KCNH8: variants seen among roughly 807,000 people sequenced by gnomAD.
The protein encoded by KCNH8 is potassium voltage-gated channel subfamily H member 8.
Under a neutral mutation model 103.6 loss-of-function variants are expected in KCNH8, and 70 were observed. The ratio of observed to expected loss-of-function variants is 0.68; its 90% CI spans 0.56 to 0.82. The LOEUF is 0.82. Among genes scored for constraint, KCNH8 ranks in the 40% least tolerant of loss-of-function variants. KCNH8 has a pLI of 0.00. For missense variants in KCNH8, 1,217 were observed against 1,329.9 expected, an observed-to-expected ratio of 0.92 and a Z score of 1.32; for synonymous variants, 498 against 489.4, an observed-to-expected ratio of 1.02 and a Z score of -0.23.
intron 1 of KCNH8, among the ~76,000 whole-genome samples, chr3:19,233,360 A>T (rs1003729157): frequency 6.6e-6 from 1 of 152,160 alleles, no homozygotes. Context: ...GTGTTTTTAT[A>T]GGTTATAATG....
intron 3 of KCNH8, among the ~76,000 whole-genome samples, chr3:19,333,447 T>C (rs2065538914): frequency 6.6e-6 from 1 of 152,178 alleles, no homozygotes; most frequent in South Asian, 2.1e-4. Context: ...CAAATGTAGT[T>C]GGATTTATTA....
chr3:19,223,321 GTCTATT>G (rs2063895976), intron 1 of KCNH8, among the ~76,000 whole-genome samples: 1 of 152,160 alleles, frequency 6.6e-6, no homozygotes, highest in Non-Finnish European at 1.5e-5. Flanking sequence ...TATGAAGTAA[GTCTATT>G]GCAGACTGAC....
At chr3:19,508,387 A>G (rs773944773) in intron 11 of KCNH8, among the ~76,000 whole-genome samples, 1 of 152,188 alleles carries the variant, frequency 6.6e-6, no homozygotes, top group Non-Finnish European at 1.5e-5. Flanking sequence ...TTTAACCTTA[A>G]TAACAGCCAA....
intron 5 of KCNH8, among the ~76,000 whole-genome samples, chr3:19,387,193 C>T (rs1317675147): frequency 6.6e-6 from 1 of 152,016 alleles, no homozygotes. Context: ...ATTCTGTGAC[C>T]CTAATTTAAT....
chr3:19,278,967 G>C (rs2064717120), intron 2 of KCNH8, among the ~76,000 whole-genome samples: 1 of 152,116 alleles, frequency 6.6e-6, no homozygotes, highest in South Asian at 2.1e-4. Flanking sequence ...AATGATACTT[G>C]TCTGAGTACA....
chr3:19,297,035 G>A lies in KCNH8; in HGVS notation c.442+15706G>A, dbSNP rs942756041. Among the ~76,000 whole-genome samples the A allele has an allele frequency of 2.6e-5, 4 of 152,008 alleles. No homozygotes were observed. The East Asian group carries it at 7.7e-4, about 29-fold the overall frequency. Reference sequence around the variant, plus strand: ...GTGGAAAAACATACATATCCAGATGGAATATGAAAGCAAACACATTAGAGT... The same window carrying A: ...GTGGAAAAACATACATATCCAGATGAAATATGAAAGCAAACACATTAGAGT... On this transcript the variant is annotated intron_variant, in intron 3 of 15. Transcript: ENST00000328405.
intron 15 of KCNH8, among the ~76,000 whole-genome samples, chr3:19,521,469 A>G (rs2068969459): frequency 6.6e-6 from 1 of 151,932 alleles, no homozygotes; most frequent in Admixed American, 6.6e-5. Flanking sequence ...AGTGGTCAAT[A>G]AATGTTGATT....
intron 3 of KCNH8, among the ~76,000 whole-genome samples, chr3:19,302,848 G>T (rs894250946): frequency 6.6e-6 from 1 of 152,134 alleles, no homozygotes; most frequent in Non-Finnish European, 1.5e-5. Context: ...TTTAATTAAA[G>T]AATAGCTTTT....
At chr3:19,449,203 G>C (rs1195804436) in intron 8 of KCNH8, among the ~76,000 whole-genome samples, 4 of 151,552 alleles carry the variant, frequency 2.6e-5, no homozygotes, top group Admixed American at 6.6e-5. Flanking sequence ...TTTGATGGTA[G>C]GTTTGGGACA....
At chr3:19,213,255 CTTTTT>C (rs1288366028) in intron 1 of KCNH8, among the ~76,000 whole-genome samples, 1 of 152,110 alleles carries the variant, frequency 6.6e-6, no homozygotes, top group Admixed American at 6.5e-5. Flanking sequence ...GCAATCCTAT[CTTTTT>C]TAATAGGAGT....
At chr3:19,477,203 G>A (rs942213538) in intron 11 of KCNH8, among the ~76,000 whole-genome samples, 6 of 151,952 alleles carry the variant, frequency 3.9e-5, no homozygotes, top group Non-Finnish European at 5.9e-5. Flanking sequence ...CAAGTGGGAC[G>A]GACCCATGCA....
intron 2 of KCNH8, among the ~76,000 whole-genome samples, chr3:19,264,621 C>T (rs892192779): frequency 1.3e-5 from 2 of 152,088 alleles, no homozygotes; most frequent in African/African-American, 4.8e-5. Context: ...TTCAGTGATA[C>T]TGCCTAACTA....
chr3:19,499,366 G>A (rs1386530020), intron 11 of KCNH8, among the ~76,000 whole-genome samples: 1 of 152,164 alleles, frequency 6.6e-6, no homozygotes, highest in African/African-American at 2.4e-5. Flanking sequence ...AAAACACTCT[G>A]CAGGATATTA....
intron 3 of KCNH8, among the ~76,000 whole-genome samples, chr3:19,321,043 T>C (rs2065343461): frequency 6.6e-6 from 1 of 152,052 alleles, no homozygotes. Context: ...TCCCATTTTG[T>C]TTCTAATTGA....
At chr3:19,441,213 C>T (rs1474753957) in intron 8 of KCNH8, among the ~76,000 whole-genome samples, 6 of 152,172 alleles carry the variant, frequency 3.9e-5, no homozygotes, top group African/African-American at 1.4e-4. Context: ...AACCCTGGCT[C>T]CCTGACACTC....
At chr3:19,325,999 C>T (rs1281955147) in intron 3 of KCNH8, among the ~76,000 whole-genome samples, 2 of 152,110 alleles carry the variant, frequency 1.3e-5, no homozygotes, top group East Asian at 3.9e-4. Context: ...AAATACTATG[C>T]ACCCATAAAA....
intron 11 of KCNH8, among the ~76,000 whole-genome samples, chr3:19,503,097 C>G (rs2125235343): frequency 6.6e-6 from 1 of 151,226 alleles, no homozygotes; most frequent in East Asian, 1.9e-4. Context: ...AACAAACAAC[C>G]CCATCAAAAA....
intron 2 of KCNH8, among the ~76,000 whole-genome samples, chr3:19,273,478 G>A (rs1384306070): frequency 6.6e-6 from 1 of 152,128 alleles, no homozygotes; most frequent in East Asian, 1.9e-4. Context: ...AGAGCCATAA[G>A]TCAGACATTA....
At chr3:19,207,633 G>T (rs143316129) in intron 1 of KCNH8, among the ~76,000 whole-genome samples, 2 of 151,996 alleles carry the variant, frequency 1.3e-5, no homozygotes, top group East Asian at 1.9e-4. Flanking sequence ...AGACTCTCAC[G>T]AATAGACATT....
Sources: allele counts gnomAD v4.1 joint callset (sites outside exome capture counted in the v4.1 genomes callset), GRCh38; gene constraint gnomAD v4.1.1; transcripts MANE v1.5; gene names NCBI Gene and HGNC (gene_info 2026-07-23, HGNC 2026-07-21).